PHACTR1: variants seen among roughly 807,000 people sequenced by gnomAD.
PHACTR1 encodes the protein phosphatase and actin regulator 1.
Under a neutral mutation model 69.2 loss-of-function variants are expected in PHACTR1, and 16 were observed. That is an observed-to-expected ratio of 0.23 (90% CI 0.16 to 0.35). PHACTR1 has a LOEUF of 0.35. Among genes scored for constraint, PHACTR1 ranks in the 10% least tolerant of loss-of-function variants. PHACTR1 has a pLI of 1.00. For missense variants in PHACTR1, 510 were observed against 734.7 expected, an observed-to-expected ratio of 0.69 and a Z score of 3.54; for synonymous variants, 312 against 284.5, an observed-to-expected ratio of 1.10 and a Z score of -0.97.
chr6:12,718,604 T>C lies in PHACTR1; in HGVS notation c.-46-95T>C, dbSNP rs1388335927. 3 of 399,028 alleles carry C rather than the reference T, an allele frequency of 7.5e-6. No homozygotes were observed. In the Admixed American group the frequency reaches 1.3e-4, roughly 17 times the overall value. 24.7% of individuals were successfully genotyped at this position (399,028 alleles called of 1,614,324 possible). A position where few individuals can be genotyped will look rare whatever the true frequency, so the allele number is the denominator to read the frequency against. ...TCAATCAAGTAGTAGAATATTATAA[T>C]GGGATATTCTTATTCAAACATTTTA... On this transcript the variant is annotated intron_variant, in intron 2 of 14. Coordinates refer to ENST00000332995, the MANE Select transcript of PHACTR1 (RefSeq NM_030948.6).
intron 4 of PHACTR1, among the ~76,000 whole-genome samples, chr6:12,862,181 G>A (rs1469322739): frequency 6.6e-6 from 1 of 152,154 alleles, no homozygotes; most frequent in Non-Finnish European, 1.5e-5. Context: ...TTGTGTGTGG[G>A]CTGACTGTAA....
intron 4 of PHACTR1, among the ~76,000 whole-genome samples, chr6:12,786,188 A>C (rs1030390772): frequency 2.6e-5 from 4 of 152,182 alleles, no homozygotes; most frequent in African/African-American, 9.7e-5. Context: ...ACAATGTTCA[A>C]TTATAAAGGA....
chr6:12,868,799 A>C (rs1305854957), intron 4 of PHACTR1, among the ~76,000 whole-genome samples: 1 of 152,174 alleles, frequency 6.6e-6, no homozygotes, highest in Non-Finnish European at 1.5e-5. Flanking sequence ...CCTAGACCCC[A>C]GGCAGGCATT....
intron 4 of PHACTR1, among the ~76,000 whole-genome samples, chr6:12,850,629 G>T (rs1779734957): frequency 6.6e-6 from 1 of 152,190 alleles, no homozygotes; most frequent in Non-Finnish European, 1.5e-5. Flanking sequence ...GAAATGTATT[G>T]TCTGAGTCTG....
intron 6 of PHACTR1, among the ~76,000 whole-genome samples, chr6:13,169,741 A>G (rs995245250): frequency 1.3e-5 from 2 of 152,204 alleles, no homozygotes; most frequent in Non-Finnish European, 2.9e-5. Context: ...ATGCTATTAT[A>G]TAGATTCTTC....
chr6:13,194,001 G>A (rs1763993172), intron 7 of PHACTR1, among the ~76,000 whole-genome samples: 2 of 152,116 alleles, frequency 1.3e-5, no homozygotes. Context: ...TAAACAATAT[G>A]ATGTGTTTTT....
intron 3 of PHACTR1, among the ~76,000 whole-genome samples, chr6:12,727,258 A>G (rs1023055875): frequency 2.6e-5 from 4 of 152,218 alleles, no homozygotes; most frequent in Non-Finnish European, 5.9e-5. Flanking sequence ...CGAGAGAAAA[A>G]GTATCGTGGA....
At chr6:13,184,127 A>G (rs1458046795) in intron 7 of PHACTR1, among the ~76,000 whole-genome samples, 1 of 152,238 alleles carries the variant, frequency 6.6e-6, no homozygotes, top group Non-Finnish European at 1.5e-5. Context: ...TGCTGTTGCT[A>G]AAACTACAGA....
intron 4 of PHACTR1, among the ~76,000 whole-genome samples, chr6:12,774,133 T>C (rs1157041334): frequency 6.6e-6 from 1 of 152,216 alleles, no homozygotes; most frequent in African/African-American, 2.4e-5. Context: ...TCAGATATCA[T>C]GGATACATAG....
At chr6:12,970,913 G>T (rs879463094) in intron 4 of PHACTR1, among the ~76,000 whole-genome samples, 12 of 152,174 alleles carry the variant, frequency 7.9e-5, no homozygotes, top group Non-Finnish European at 1.2e-4. Context: ...TATGCCGTGG[G>T]TAGCTCATGT....
At chr6:13,125,195 A>G (rs1463947826) in intron 5 of PHACTR1, among the ~76,000 whole-genome samples, 4 of 152,268 alleles carry the variant, frequency 2.6e-5, no homozygotes, top group Admixed American at 2.6e-4. Context: ...TGGAGAAGCC[A>G]GGGACAGATG....
At chr6:12,821,585 A>C (rs1353692657) in intron 4 of PHACTR1, among the ~76,000 whole-genome samples, 1 of 151,616 alleles carries the variant, frequency 6.6e-6, no homozygotes, top group Non-Finnish European at 1.5e-5. Flanking sequence ...GTTGTCCTAC[A>C]CTCCAATGTG....
chr6:13,248,462 G>A (rs537991321), intron 10 of PHACTR1, among the ~76,000 whole-genome samples: 49 of 152,084 alleles, frequency 3.2e-4, no homozygotes, highest in Non-Finnish European at 6.0e-4. Flanking sequence ...ATATAGCATC[G>A]AGGTATTTAT....
At chr6:12,839,420 C>T (rs949693849) in intron 4 of PHACTR1, among the ~76,000 whole-genome samples, 2 of 152,038 alleles carry the variant, frequency 1.3e-5, no homozygotes, top group Non-Finnish European at 2.9e-5. Flanking sequence ...TTTTTCATCC[C>T]CTCCACCCCA....
chr6:12,722,083 A>G (rs1375657240), intron 3 of PHACTR1, among the ~76,000 whole-genome samples: 4 of 152,248 alleles, frequency 2.6e-5, no homozygotes, highest in Non-Finnish European at 4.4e-5. Flanking sequence ...AGTAAGGCCA[A>G]GTAGCCCCAA....
intron 3 of PHACTR1, among the ~76,000 whole-genome samples, chr6:12,730,488 A>C (rs1213217268): frequency 4.0e-5 from 6 of 148,934 alleles, no homozygotes; most frequent in South Asian, 4.8e-4. Context: ...AAAAAAAAAA[A>C]AAACCTCAAT....
chr6:13,092,517 G>T (rs933480770), intron 5 of PHACTR1, among the ~76,000 whole-genome samples: 2 of 152,170 alleles, frequency 1.3e-5, no homozygotes, highest in African/African-American at 4.8e-5. Context: ...GTGGACTGGG[G>T]ACAGCAGGTG....
chr6:12,815,036 C>T (rs1341633238), intron 4 of PHACTR1, among the ~76,000 whole-genome samples: 2 of 152,204 alleles, frequency 1.3e-5, no homozygotes, highest in Non-Finnish European at 2.9e-5. Flanking sequence ...ATGATACAGT[C>T]TCCCATGCAG....
intron 10 of PHACTR1, among the ~76,000 whole-genome samples, chr6:13,257,588 ATCT>A (rs1453390439): frequency 6.6e-6 from 1 of 152,222 alleles, no homozygotes; most frequent in African/African-American, 2.4e-5. Flanking sequence ...CTCCTCTGGG[ATCT>A]TCTTACTTCC....
Sources: gnomAD v4.1 joint callset for allele counts (sites outside exome capture counted in the v4.1 genomes callset) on GRCh38, gnomAD v4.1.1 for gene constraint, MANE v1.5 for transcripts, NCBI Gene and HGNC (gene_info 2026-07-23, HGNC 2026-07-21) for gene names.